The following ARHGAP29 variants were observed in gnomAD, a reference collection of about 807,000 sequenced individuals.
The protein encoded by ARHGAP29 is rho GTPase-activating protein 29.
A neutral mutation model predicts 122.6 loss-of-function variants in ARHGAP29; 43 were observed. The ratio of observed to expected loss-of-function variants is 0.35; its 90% confidence interval spans 0.27 to 0.45. The LOEUF is 0.45. ARHGAP29 is among the 20% of genes least tolerant of loss of function. The probability of loss-of-function intolerance (pLI) is 1.00; values close to 1 mark genes in which losing one functional copy is unlikely to be tolerated. For missense variants in ARHGAP29, 1,303 were observed against 1,477.2 expected (o/e 0.88, Z 1.93); for synonymous variants, 506 against 497.1 (o/e 1.02, Z -0.24).
At chr1:94,194,675 A>G (rs1052498191) in intron 12 of ARHGAP29, 3 of 152,292 alleles carry the variant, frequency 2.0e-5, no homozygotes, top group Admixed American at 6.5e-5. Context: ...TCATCACATC[A>G]TCACACTGGG....
At chr1:94,209,936 C>A (rs1651479764) in intron 3 of ARHGAP29, among the ~76,000 whole-genome samples, 1 of 151,998 alleles carries the variant, frequency 6.6e-6, no homozygotes, top group African/African-American at 2.4e-5. Context: ...TTTCTTATAA[C>A]AGGCTCTTGG....
At chr1:94,298,139 T>A in the ARHGAP29 span, among the ~76,000 whole-genome samples, 1 of 152,230 alleles carries the variant, frequency 6.6e-6, no homozygotes, top group African/African-American at 2.4e-5. Context: ...ATTGTGACAG[T>A]GTACCATCCT....
At chr1:94,313,203 CA>C in the ARHGAP29 span, among the ~76,000 whole-genome samples, 3 of 152,140 alleles carry the variant, frequency 2.0e-5, no homozygotes, top group African/African-American at 7.2e-5. Flanking sequence ...CTCCTTGCCC[CA>C]AGGCCTTTGT....
At chr1:94,209,483 T>C (rs1183138960) in intron 3 of ARHGAP29, 133 bp from the exon 4 acceptor site, 16 of 519,808 alleles carry the variant, frequency 3.1e-5, no homozygotes, top group Non-Finnish European at 4.9e-5. Context: ...AAGCCTAACA[T>C]ACAAAATTGA....
intron 1 of ARHGAP29, among the ~76,000 whole-genome samples, chr1:94,244,002 A>G (rs997986701): frequency 1.3e-5 from 2 of 152,036 alleles, no homozygotes; most frequent in Non-Finnish European, 2.9e-5. Flanking sequence ...TAATAGCACT[A>G]CATGTATTAA....
intron 12 of ARHGAP29, among the ~76,000 whole-genome samples, chr1:94,197,727 A>G (rs1650563194): frequency 6.6e-6 from 1 of 152,238 alleles, no homozygotes; most frequent in Non-Finnish European, 1.5e-5. Context: ...GTAATGCACC[A>G]TATTTACAGG....
At position 94,174,237 on chromosome 1, in the gene ARHGAP29, C is replaced by G. The variant is rs1648940727; in HGVS notation, c.3418G>C (p.Glu1140Gln). The change falls in exon 23 of 23, where the codon GAG (glutamate) becomes CAG (glutamine). Residue 1140 changes from glutamate to glutamine, a missense_variant. Glu to Gln is a conservative substitution (Grantham distance 29, BLOSUM62 2). Around this residue, in one of 3 missense-constraint regions of ARHGAP29, gnomAD observed 620 missense variants for 651.2 expected, o/e 0.95. Coordinates refer to ENST00000260526, the MANE Select transcript of ARHGAP29 (RefSeq NM_004815.4). ...GGGTAGGAATCTGAAGACCGTCTCT[C>G]AGATGCCTCTCTCACTGACCTGACT... Reference protein sequence around the residue: ...EPVRSVREASERRSSDSYPLA... With the variant: ...EPVRSVREASQRRSSDSYPLA... 1 of 1,614,104 alleles carries G rather than the reference C, an allele frequency of 6.2e-7. No homozygotes were observed. The highest frequency in any genetic ancestry group is 8.5e-7 in the Non-Finnish European group (1 of 1,180,042).
At chr1:94,180,413 T>C (rs1431892582) in intron 19 of ARHGAP29, among the ~76,000 whole-genome samples, 2 of 152,228 alleles carry the variant, frequency 1.3e-5, no homozygotes, top group African/African-American at 4.8e-5. Flanking sequence ...TTTATTTATC[T>C]AATTTTTTAA....
intron 1 of ARHGAP29, among the ~76,000 whole-genome samples, chr1:94,267,489 T>C (rs1379639956): frequency 6.6e-6 from 1 of 152,260 alleles, no homozygotes; most frequent in Non-Finnish European, 1.5e-5. Flanking sequence ...TTGAGGTCAC[T>C]GTATGAAATA....
chr1:94,170,002 T>C lies in ARHGAP29; in HGVS notation c.*3867A>G, dbSNP rs1318823331. 2.0e-5 allele frequency among the ~76,000 whole-genome samples: 3 copies of C among 152,170 alleles called. No individual in the cohort carries two copies. Among genetic ancestry groups the C allele is most frequent in the East Asian group, 1.9e-4 (1 of 5,202 alleles). On this transcript the variant is annotated 3_prime_UTR_variant, in exon 23 of 23. Coordinates refer to ENST00000260526, the MANE Select transcript of ARHGAP29 (RefSeq NM_004815.4). The stretch of plus-strand genomic sequence containing the variant: ...GAGAAGGAAGAGCTCTTCCTTACAG[T>C]AGTAGGATGCCAACCAAGGCAGAAG...
chr1:94,190,929 T>C (rs1273217692), intron 12 of ARHGAP29: 1 of 152,142 alleles, frequency 6.6e-6, no homozygotes, highest in Non-Finnish European at 1.5e-5. Flanking sequence ...AAAGGGTATT[T>C]CCAACATGGT....
chr1:94,276,290 T>C (rs2100741685), upstream of ARHGAP29, among the ~76,000 whole-genome samples: 1 of 152,064 alleles, frequency 6.6e-6, no homozygotes, highest in East Asian at 1.9e-4. Flanking sequence ...GCCATCTGGA[T>C]ATTAAGTTAT....
rs187599466 is a variant in ARHGAP29 at position 94,206,539 on chromosome 1, T to C, written c.511-856A>G. 1.3e-3 allele frequency among the ~76,000 whole-genome samples: 196 copies of C among 152,298 alleles called. 1 individual carries two copies. The highest frequency in any genetic ancestry group is 1.6e-3 in the Non-Finnish European group (106 of 68,012). On this transcript the variant is annotated intron_variant, in intron 5 of 22. Coordinates refer to ENST00000260526, the MANE Select transcript of ARHGAP29 (RefSeq NM_004815.4). ...GATAAGAACACTACTTTCAAAAGAC[T>C]GTTTTAAGAATTAAGATGATGTAGG...
chr1:94,279,226 A>G (rs1655277546), upstream of ARHGAP29, among the ~76,000 whole-genome samples: 1 of 152,208 alleles, frequency 6.6e-6, no homozygotes, highest in African/African-American at 2.4e-5. Flanking sequence ...CTCCAGCAGC[A>G]TTAGTATTTC....
intron 1 of ARHGAP29, among the ~76,000 whole-genome samples, chr1:94,245,135 A>C (rs1044483910): frequency 7.2e-5 from 11 of 152,222 alleles, no homozygotes; most frequent in African/African-American, 2.7e-4. Flanking sequence ...ACTGTAATAC[A>C]TGCTTCTACA....
At chr1:94,263,192 A>C (rs532125743) in intron 1 of ARHGAP29, among the ~76,000 whole-genome samples, 6 of 152,290 alleles carry the variant, frequency 3.9e-5, no homozygotes, top group African/African-American at 1.4e-4. Context: ...GAGCTAAATG[A>C]TGAGAACACA....
At chr1:94,237,671 CGCTCCCG>C, upstream of ARHGAP29, 1 of 985,754 alleles carries the variant, frequency 1.0e-6, no homozygotes, top group Non-Finnish European at 1.2e-6. Flanking sequence ...CATTGGCCCG[CGCTCCCG>C]GGGGCGGGGC....
chr1:94,296,993 C>CA, the ARHGAP29 span, among the ~76,000 whole-genome samples: 2 of 152,090 alleles, frequency 1.3e-5, no homozygotes, highest in African/African-American at 4.8e-5. Context: ...AGACATAGTG[C>CA]AGGGAGGATG....
chr1:94,210,904 T>A (rs1391351848), intron 3 of ARHGAP29, among the ~76,000 whole-genome samples: 1 of 140,032 alleles, frequency 7.1e-6, no homozygotes, highest in Non-Finnish European at 1.6e-5. Context: ...GTTTCTTATT[T>A]AAAAAAAAAA....
Sources: allele counts gnomAD v4.1 joint callset (sites outside exome capture counted in the v4.1 genomes callset), GRCh38; gene constraint gnomAD v4.1.1; regional missense constraint gnomAD v4.1.1; transcripts MANE v1.5; gene names NCBI Gene and HGNC (gene_info 2026-07-23, HGNC 2026-07-21).